The following OPRM1 variants were observed in gnomAD, a reference collection of about 807,000 sequenced individuals.
OPRM1 encodes the protein mu-type opioid receptor.
A neutral mutation model predicts 31.8 loss-of-function variants in OPRM1; 27 were observed. The ratio of observed to expected loss-of-function variants is 0.85; its 90% CI spans 0.63 to 1.17. The LOEUF (loss-of-function observed/expected upper bound fraction) is 1.17, where lower values mean the gene tolerates loss of function less well. Ranked by LOEUF, OPRM1 falls within the 50% of genes most tolerant of loss-of-function variation. The pLI is 0.00. For missense variants in OPRM1, 536 were observed against 511.1 expected (o/e 1.05, Z -0.47); for synonymous variants, 196 against 189.9 (o/e 1.03, Z -0.26).
chr6:154,152,390 A>AAAAGAGAGAGAGAG (rs1798560023), intron 3 of OPRM1, among the ~76,000 whole-genome samples: 1 of 126,198 alleles, frequency 7.9e-6, no homozygotes, highest in African/African-American at 3.1e-5. Flanking sequence ...GAAAGAAAGA[A>AAAAGAGAGAGAGAG]AGAGAAATAG....
intron 3 of OPRM1, among the ~76,000 whole-genome samples, chr6:154,192,093 G>A (rs1801942306): frequency 1.3e-5 from 2 of 152,190 alleles, no homozygotes; most frequent in African/African-American, 4.8e-5. Flanking sequence ...AAGGGTTTCT[G>A]CATTATGCCT....
rs6920667 is a variant in OPRM1 at position 154,114,191 on chromosome 6, A to T, written c.1165-4492A>T. Among the ~76,000 whole-genome samples the T allele has an allele frequency of 8.0e-3, 1,216 of 152,296 alleles. 14 individuals are homozygous for T. The highest frequency in any genetic ancestry group is 0.028 in the African/African-American group (1,163 of 41,564). On this transcript the variant is annotated intron_variant, in intron 3 of 3. Coordinates refer to ENST00000330432, the MANE Select transcript of OPRM1 (RefSeq NM_000914.5). ...TTGTCTCTAAGATCTAAATAGTCCA[A>T]TTAAGTGCCAGGCTTCCTTTCTCTT...
intron 1 of OPRM1, among the ~76,000 whole-genome samples, chr6:154,062,415 C>T (rs1259261493): frequency 6.6e-6 from 1 of 152,050 alleles, no homozygotes; most frequent in African/African-American, 2.4e-5. Context: ...CTGTATTGCA[C>T]TATAAGACTA....
intron 3 of OPRM1, chr6:154,246,545 T>C: frequency 1.3e-6 from 2 of 1,567,452 alleles, no homozygotes; most frequent in Non-Finnish European, 1.7e-6. Flanking sequence ...CTTTAACGTA[T>C]CCCTCATTAA....
intron 3 of OPRM1, among the ~76,000 whole-genome samples, chr6:154,190,138 C>CA (rs1163561924): frequency 6.6e-6 from 1 of 152,074 alleles, no homozygotes; most frequent in Non-Finnish European, 1.5e-5. Context: ...CAAAAACTCA[C>CA]AAAATATAAG....
In OPRM1 at chr6:154,138,815, C is replaced by A. The variant is rs368661757; in HGVS notation, c.1164+47343C>A. Among the ~76,000 whole-genome samples, 1,011 of 152,338 alleles carry A rather than the reference C, an allele frequency of 6.6e-3. 91 individuals carry two copies. In the South Asian group the frequency reaches 0.19, roughly 29 times the overall value. On this transcript the variant is annotated intron_variant, in intron 3 of 3. Transcript: ENST00000337049. ...ATTAGAAATTATAGTTTAGGAGTCA[C>A]GTAGCCGGAGGCTACAAGATTCTGA...
intron 3 of OPRM1, among the ~76,000 whole-genome samples, chr6:154,205,773 G>A (rs1029229051): frequency 3.3e-5 from 5 of 152,054 alleles, no homozygotes; most frequent in Non-Finnish European, 5.9e-5. Context: ...TTCCATTTTT[G>A]TTTACCCCAG....
intron 3 of OPRM1, among the ~76,000 whole-genome samples, chr6:154,179,244 G>C (rs1194499362): frequency 1.3e-5 from 2 of 152,162 alleles, no homozygotes; most frequent in Admixed American, 1.3e-4. Flanking sequence ...CTTCTCAATT[G>C]CTATACTAAG....
intron 3 of OPRM1, among the ~76,000 whole-genome samples, chr6:154,164,953 G>A (rs1402765355): frequency 6.6e-6 from 1 of 152,106 alleles, no homozygotes; most frequent in Non-Finnish European, 1.5e-5. Context: ...TCCCTGAAGT[G>A]CATTCATTCC....
Position 154,114,203 on chromosome 6 carries a change from G to C in OPRM1, c.1165-4480G>C, listed in dbSNP as rs146361855. Among the ~76,000 whole-genome samples, 7 of 152,264 alleles carry C rather than the reference G, an allele frequency of 4.6e-5. No homozygotes were observed. The East Asian group carries it at 1.4e-3, about 29-fold the overall frequency. On this transcript the variant is annotated intron_variant, in intron 3 of 3. Coordinates refer to ENST00000330432, the MANE Select transcript of OPRM1 (RefSeq NM_000914.5). The stretch of plus-strand genomic sequence containing the variant: ...TCTAAATAGTCCAATTAAGTGCCAG[G>C]CTTCCTTTCTCTTAGGAGAGCCATA...
In OPRM1 at chr6:154,064,239, A is replaced by G. The variant is rs1583311678; in HGVS notation, c.290+24405A>G. On this transcript the variant is annotated intron_variant, in intron 1 of 3. Coordinates refer to ENST00000330432, the MANE Select transcript of OPRM1 (RefSeq NM_000914.5). ...GTCCTAATGAATAGTGATATTTTGC[A>G]TCTTTTCATATGCTTATTATCCATT... Among the ~76,000 whole-genome samples the G allele has an allele frequency of 3.3e-5, 5 of 152,258 alleles. No homozygotes were observed. The South Asian group carries it at 1.0e-3, about 32-fold the overall frequency.
chr6:154,134,081 G>A (rs761743913), downstream of OPRM1, among the ~76,000 whole-genome samples: 12 of 152,140 alleles, frequency 7.9e-5, no homozygotes, highest in Non-Finnish European at 1.2e-4. Flanking sequence ...TGCACAGTGG[G>A]GAACCATCAG....
intron 3 of OPRM1, among the ~76,000 whole-genome samples, chr6:154,235,759 A>T (rs138533109): frequency 0.011 from 1,673 of 152,322 alleles, 33 homozygotes; most frequent in African/African-American, 0.037. Flanking sequence ...TCTCCCAAGA[A>T]GATATGGAAA....
At chr6:154,199,906 G>A (rs1562537355) in intron 3 of OPRM1, 1 of 1,614,184 alleles carries the variant, frequency 6.2e-7, no homozygotes, top group East Asian at 2.2e-5. Flanking sequence ...TGTTAACTGT[G>A]TCAGGCAAGG....
intron 3 of OPRM1, among the ~76,000 whole-genome samples, chr6:154,094,581 T>C (rs577631076): frequency 6.6e-6 from 1 of 152,312 alleles, no homozygotes; most frequent in African/African-American, 2.4e-5. Context: ...CTGATCTACA[T>C]GGCCTCAGCA....
At chr6:154,148,510 T>C (rs541520035) in intron 3 of OPRM1, among the ~76,000 whole-genome samples, 7 of 152,338 alleles carry the variant, frequency 4.6e-5, no homozygotes, top group Admixed American at 2.0e-4. Context: ...CATGAGCCCA[T>C]GCACATGTCA....
chr6:154,118,622 C>T (rs1047852806), intron 3 of OPRM1, 61 bp from the exon 4 acceptor site: 5 of 1,538,102 alleles, frequency 3.3e-6, no homozygotes, highest in Non-Finnish European at 4.5e-6. Context: ...AGATGCTCAA[C>T]AAATGTGTGT....
chr6:154,191,828 G>A (rs978916631), intron 3 of OPRM1, among the ~76,000 whole-genome samples: 1 of 152,156 alleles, frequency 6.6e-6, no homozygotes, highest in African/African-American at 2.4e-5. Flanking sequence ...AGGAAATTGT[G>A]TATGGAATGG....
At chr6:154,057,210 A>C (rs1366472014) in intron 1 of OPRM1, among the ~76,000 whole-genome samples, 1 of 152,214 alleles carries the variant, frequency 6.6e-6, no homozygotes, top group Non-Finnish European at 1.5e-5. Context: ...AAAGAAATAG[A>C]CTAATTTTAA....
Sources: allele counts gnomAD v4.1 joint callset (sites outside exome capture counted in the v4.1 genomes callset), GRCh38; gene constraint gnomAD v4.1.1; transcripts MANE v1.5; gene names NCBI Gene and HGNC (gene_info 2026-07-23, HGNC 2026-07-21).